Variants in CDH3 observed in about 807,000 individuals in gnomAD.
CDH3 encodes the protein cadherin-3.
A neutral mutation model predicts 82.0 loss-of-function variants in CDH3; 54 were observed. The observed-to-expected ratio is 0.66, with a 90% confidence interval of 0.53 to 0.83. The LOEUF (loss-of-function observed/expected upper bound fraction) is 0.83. Among genes scored for constraint, CDH3 ranks in the 40% least tolerant of loss-of-function variants. The pLI, the probability that CDH3 is intolerant of heterozygous loss-of-function variation, is 0.00. For missense variants in CDH3, 1,054 were observed against 1,084.6 expected, an observed-to-expected ratio of 0.97 and a Z score of 0.40; for synonymous variants, 446 against 437.9, an observed-to-expected ratio of 1.02 and a Z score of -0.23.
At chr16:68,693,722 G>A (rs1178049636) in intron 13 of CDH3, among the ~76,000 whole-genome samples, 1 of 152,142 alleles carries the variant, frequency 6.6e-6, no homozygotes, top group Non-Finnish European at 1.5e-5. Flanking sequence ...GTTTTGTCTG[G>A]CCAAGGACAG....
intron 2 of CDH3, among the ~76,000 whole-genome samples, chr16:68,672,114 C>T (rs989617200): frequency 6.6e-6 from 1 of 151,308 alleles, no homozygotes; most frequent in Non-Finnish European, 1.5e-5. Flanking sequence ...ATGGCGTGAA[C>T]CCCAGGGGGC....
At chr16:68,721,512 G>A (rs553794080) in intron 1 of CDH3, among the ~76,000 whole-genome samples, 366 of 152,220 alleles carry the variant, frequency 2.4e-3, no homozygotes, top group Middle Eastern at 6.8e-3. Flanking sequence ...GGGATTAAAG[G>A]CATGAGCCAC....
At chr16:68,689,890 G>A (rs548443224) in intron 12 of CDH3, among the ~76,000 whole-genome samples, 5 of 152,266 alleles carry the variant, frequency 3.3e-5, no homozygotes, top group South Asian at 2.1e-4. Flanking sequence ...CAGTGATTGG[G>A]GGCACTACGG....
In CDH3 at chr16:68,698,595, G is replaced by T. The variant is rs114591853; in HGVS notation, c.*195G>T. On this transcript the variant is annotated 3_prime_UTR_variant, in exon 16 of 16. Coordinates refer to ENST00000264012, the MANE Select transcript of CDH3 (RefSeq NM_001793.6). ...CAGGATGGAGGAATGTGGGCAGTTTGACTTCAGCACTGAAAACCTCTCCAC... is the reference window on the plus strand; with the variant it reads ...CAGGATGGAGGAATGTGGGCAGTTTTACTTCAGCACTGAAAACCTCTCCAC... 1,006 of 604,718 alleles carry T rather than the reference G, an allele frequency of 1.7e-3. 10 individuals are homozygous for T. The highest frequency in any genetic ancestry group is 0.016 in the African/African-American group (890 of 54,070). The allele number at this position is 604,718 out of a possible 1,614,324, so 37.5% of individuals were successfully genotyped here.
chr16:68,670,690 T>C (rs572868721), intron 2 of CDH3, among the ~76,000 whole-genome samples: 1 of 152,322 alleles, frequency 6.6e-6, no homozygotes, highest in East Asian at 1.9e-4. Context: ...AAATACCTAA[T>C]AAGTTAATTC....
chr16:68,694,499 G>A (rs569605470), intron 13 of CDH3, among the ~76,000 whole-genome samples: 2 of 151,602 alleles, frequency 1.3e-5, no homozygotes, highest in Non-Finnish European at 2.9e-5. Flanking sequence ...GCAGGCACCT[G>A]TAATCCCAGC....
At chr16:68,728,458 G>A (rs1388756149), downstream of CDH3, among the ~76,000 whole-genome samples, 9 of 152,102 alleles carry the variant, frequency 5.9e-5, no homozygotes, top group East Asian at 9.7e-4. Flanking sequence ...GAGCCACCGC[G>A]CCTGGCCTTG....
At chr16:68,653,846 C>T (rs190561371) in intron 2 of CDH3, among the ~76,000 whole-genome samples, 2 of 151,320 alleles carry the variant, frequency 1.3e-5, no homozygotes, top group Non-Finnish European at 1.5e-5. Flanking sequence ...CCCGCAACCA[C>T]GCCCGGCTAA....
chr16:68,685,666 G>A (rs1961391756), intron 11 of CDH3, among the ~76,000 whole-genome samples: 1 of 152,072 alleles, frequency 6.6e-6, no homozygotes, highest in Non-Finnish European at 1.5e-5. Flanking sequence ...AATTAGCCGG[G>A]TGTGGTGGTG....
chr16:68,698,187 G>T lies in CDH3; in HGVS notation c.2281-4G>T. On this transcript the variant is annotated splice_region_variant and splice_polypyrimidine_tract_variant and intron_variant, in intron 15 of 15. Coordinates refer to ENST00000264012, the MANE Select transcript of CDH3 (RefSeq NM_001793.6). ...TCCTAACTACCTGTTCTCTGTTGCC[G>T]CAGAACCTGAAGGCGGCTAACACAG... The T allele has an allele frequency of 6.2e-7, 1 of 1,614,136 alleles. No individual in the cohort carries two copies. Among genetic ancestry groups the T allele is most frequent in the East Asian group, 2.2e-5 (1 of 44,886 alleles).
At position 68,695,247 on chromosome 16, in the gene CDH3, C is replaced by A. The variant is rs772751723; in HGVS notation, c.2003-8C>A. On this transcript the variant is annotated splice_polypyrimidine_tract_variant and splice_region_variant and intron_variant, in intron 13 of 15. Coordinates refer to ENST00000264012, the MANE Select transcript of CDH3 (RefSeq NM_001793.6). ...AGAGGGAGCACTCACACTCCCCAAC[C>A]CTTGCAGTCCTCCTGCTGGTGCTGC... 4.3e-6 allele frequency: 7 copies of A among 1,613,988 alleles called. No homozygotes were observed. In the Admixed American group the frequency reaches 1.2e-4, roughly 27 times the overall value.
At chr16:68,655,069 G>T (rs569642103) in intron 2 of CDH3, among the ~76,000 whole-genome samples, 2 of 151,946 alleles carry the variant, frequency 1.3e-5, no homozygotes, top group Admixed American at 1.3e-4. Context: ...TAGAGAAGGG[G>T]TCTGACTATG....
chr16:68,680,105 T>C (rs1364824344), intron 7 of CDH3, 131 bp downstream of exon 7: 5 of 841,468 alleles, frequency 5.9e-6, no homozygotes, highest in Admixed American at 1.9e-5. Flanking sequence ...TCAGCTGGGA[T>C]GGCCACTGCT....
chr16:68,696,479 A>C, intron 15 of CDH3: 1 of 188,430 alleles, frequency 5.3e-6, no homozygotes, highest in Non-Finnish European at 1.1e-5. Flanking sequence ...TAATCTCAGA[A>C]CTTTCAGAGG....
At position 68,685,253 on chromosome 16, in the gene CDH3, C is replaced by T; in HGVS notation, c.1473C>T (p.Asp491=). Residue 491 remains aspartate (D), a synonymous_variant, in exon 11 of 16, where the codon GAC becomes GAT. Transcript: ENST00000264012. ...CAGGGTGGCTAGCCATGGACCCAGA[C>T]AGTGGGCAGGTCACAGCTGTGGGCA... ...DPAGWLAMDP[D]SGQVTAVGTL... 2 of 1,614,148 alleles carry T rather than the reference C, an allele frequency of 1.2e-6. No individual in the cohort carries two copies. Among genetic ancestry groups the T allele is most frequent in the Non-Finnish European group, 1.7e-6 (2 of 1,180,022 alleles).
At chr16:68,694,534 A>G (rs548749173) in intron 13 of CDH3, among the ~76,000 whole-genome samples, 21 of 151,622 alleles carry the variant, frequency 1.4e-4, no homozygotes, top group African/African-American at 4.8e-4. Flanking sequence ...AGGCAGGAGA[A>G]TGGCTTGAAC....
At chr16:68,723,906 A>G (rs1320597283) in intron 2 of CDH3, among the ~76,000 whole-genome samples, 3 of 152,130 alleles carry the variant, frequency 2.0e-5, no homozygotes, top group Non-Finnish European at 2.9e-5. Flanking sequence ...CGTCTCTACT[A>G]AAAATACAAA....
chr16:68,679,175 A>G (rs550043834), intron 6 of CDH3, among the ~76,000 whole-genome samples: 1 of 152,346 alleles, frequency 6.6e-6, no homozygotes, highest in African/African-American at 2.4e-5. Flanking sequence ...AAAGACCTAG[A>G]TTTGAATCTT....
intron 2 of CDH3, among the ~76,000 whole-genome samples, chr16:68,667,405 A>G (rs1824175429): frequency 6.6e-6 from 1 of 152,194 alleles, no homozygotes; most frequent in South Asian, 2.1e-4. Flanking sequence ...CCTCTAGTCA[A>G]AATACCCAGA....
Sources: gnomAD v4.1 joint callset for allele counts (sites outside exome capture counted in the v4.1 genomes callset) on GRCh38, gnomAD v4.1.1 for gene constraint, MANE v1.5 for transcripts, NCBI Gene and HGNC (gene_info 2026-07-23, HGNC 2026-07-21) for gene names.